The following SEC22A variants were observed in gnomAD, a reference collection of about 807,000 sequenced individuals.
The protein encoded by SEC22A is vesicle-trafficking protein SEC22a.
SEC22A carries 22 observed loss-of-function variants against 35.3 expected under a neutral mutation model. The ratio of observed to expected loss-of-function variants is 0.62; its 90% CI spans 0.45 to 0.89. The LOEUF is 0.89. Among genes scored for constraint, SEC22A ranks in the 40% least tolerant of loss-of-function variants. The pLI is 0.00. For synonymous variants in SEC22A, 119 were observed against 129.5 expected, an observed-to-expected ratio of 0.92 and a Z score of 0.55; for missense variants, 354 against 362.5, an observed-to-expected ratio of 0.98 and a Z score of 0.19.
At chr3:123,247,215 C>T (rs62262569) in intron 5 of SEC22A, among the ~76,000 whole-genome samples, 29,879 of 152,058 alleles carry the variant, frequency 0.2, 3,043 homozygotes, top group Middle Eastern at 0.27. Flanking sequence ...AAAAAGCTTA[C>T]AAATAAGATA....
Position 123,265,211 on chromosome 3 carries a change from C to G in SEC22A, c.723+5622C>G, listed in dbSNP as rs545874497. Among the ~76,000 whole-genome samples, 6 of 152,194 alleles carry G rather than the reference C, an allele frequency of 3.9e-5. No homozygotes were observed. The East Asian group carries it at 1.2e-3, about 29-fold the overall frequency. ...AGATTAAAGTATACAAGAGGATGTG[C>G]ATAAGTTAAATGCAAATATTGTGCC... is the stretch of plus-strand genomic sequence containing the variant. On this transcript the variant is annotated intron_variant, in intron 6 of 6. Transcript: ENST00000492595.
intron 1 of SEC22A, among the ~76,000 whole-genome samples, chr3:123,205,316 C>G (rs1274979578): frequency 6.6e-6 from 1 of 152,190 alleles, no homozygotes; most frequent in Non-Finnish European, 1.5e-5. Context: ...AGAAACCATT[C>G]TCTGACAACC....
chr3:123,255,678 A>G (rs1937714459), intron 5 of SEC22A, among the ~76,000 whole-genome samples: 1 of 152,196 alleles, frequency 6.6e-6, no homozygotes, highest in Non-Finnish European at 1.5e-5. Context: ...TGAAAATGAT[A>G]GCATACTCAA....
chr3:123,244,232 G>A (rs1388842566), intron 4 of SEC22A, among the ~76,000 whole-genome samples: 2 of 152,180 alleles, frequency 1.3e-5, no homozygotes, highest in African/African-American at 2.4e-5. Flanking sequence ...GGCAGATGGA[G>A]TATTCTCTTG....
At chr3:123,266,035 T>C (rs185033319) in intron 6 of SEC22A, among the ~76,000 whole-genome samples, 53 of 152,184 alleles carry the variant, frequency 3.5e-4, no homozygotes, top group African/African-American at 1.2e-3. Flanking sequence ...TAGTTTGTGT[T>C]TTTTGAGGAA....
chr3:123,222,155 G>T (rs1156668493), intron 2 of SEC22A, among the ~76,000 whole-genome samples: 2 of 151,544 alleles, frequency 1.3e-5, no homozygotes, highest in Non-Finnish European at 2.9e-5. Context: ...TTTTGGCACA[G>T]GATTTGGACT....
intron 1 of SEC22A, among the ~76,000 whole-genome samples, chr3:123,202,780 C>A (rs989115394): frequency 6.6e-6 from 1 of 152,156 alleles, no homozygotes; most frequent in Admixed American, 6.5e-5. Context: ...CAAAGCCTAG[C>A]CCAGAGCAAA....
chr3:123,239,767 A>G (rs2108069548), intron 4 of SEC22A, among the ~76,000 whole-genome samples: 1 of 151,884 alleles, frequency 6.6e-6, no homozygotes, highest in South Asian at 2.1e-4. Flanking sequence ...ATTTTCTCCC[A>G]TTTTGTAGGT....
rs1213719809 is a variant in SEC22A, at chr3:123,217,316, GCCT to G, written c.183-6239_183-6237del. ...GGGTTCAGGCCATTCTCCTGCCTCAGCCTCCTGAGTGGCTGGGACTACAGGTGC... is the reference window on the plus strand; with the variant it reads ...GGGTTCAGGCCATTCTCCTGCCTCAGCCTGAGTGGCTGGGACTACAGGTGC... On this transcript the variant is annotated intron_variant, in intron 2 of 6. Coordinates refer to ENST00000492595, the MANE Select transcript of SEC22A (RefSeq NM_012430.5). Among the ~76,000 whole-genome samples, 21 of 152,058 alleles carry G rather than the reference GCCT, an allele frequency of 1.4e-4. No homozygotes were observed. In the East Asian group the frequency reaches 3.9e-3, roughly 28 times the overall value.
intron 4 of SEC22A, among the ~76,000 whole-genome samples, chr3:123,227,157 T>G (rs182710563): frequency 6.6e-6 from 1 of 152,300 alleles, no homozygotes; most frequent in East Asian, 1.9e-4. Flanking sequence ...CTCATTATTT[T>G]ATAAGGTAGC....
intron 2 of SEC22A, among the ~76,000 whole-genome samples, chr3:123,217,666 A>G (rs998277910): frequency 6.6e-6 from 1 of 152,256 alleles, no homozygotes; most frequent in African/African-American, 2.4e-5. Flanking sequence ...CAATTATAGC[A>G]TGAAAATTAC....
chr3:123,227,414 C>T (rs1005107889), intron 4 of SEC22A, among the ~76,000 whole-genome samples: 4 of 151,134 alleles, frequency 2.6e-5, no homozygotes, highest in Admixed American at 2.6e-4. Context: ...AATGAGAACA[C>T]ATGGACACAG....
At chr3:123,243,105 G>GACAAA (rs1937539026) in intron 4 of SEC22A, among the ~76,000 whole-genome samples, 1 of 152,046 alleles carries the variant, frequency 6.6e-6, no homozygotes, top group Admixed American at 6.6e-5. Context: ...ATCGCTTTGA[G>GACAAA]CCAAACCAAA....
At chr3:123,244,340 C>T (rs1017486525) in intron 4 of SEC22A, among the ~76,000 whole-genome samples, 7 of 152,160 alleles carry the variant, frequency 4.6e-5, no homozygotes, top group Admixed American at 2.6e-4. Flanking sequence ...TTTGGCACAA[C>T]GCCAGCTGTC....
intron 5 of SEC22A, among the ~76,000 whole-genome samples, chr3:123,252,760 A>G (rs1408435833): frequency 6.6e-6 from 1 of 152,222 alleles, no homozygotes; most frequent in Non-Finnish European, 1.5e-5. Context: ...CAGATTATTA[A>G]CTGCCTCACA....
At chr3:123,262,044 T>A (rs915676939) in intron 6 of SEC22A, among the ~76,000 whole-genome samples, 2 of 152,220 alleles carry the variant, frequency 1.3e-5, no homozygotes, top group African/African-American at 4.8e-5. Context: ...CTAAATATGA[T>A]GAGCAGGGTG....
chr3:123,257,446 C>G (rs773404896), intron 5 of SEC22A, among the ~76,000 whole-genome samples: 2 of 152,192 alleles, frequency 1.3e-5, no homozygotes, highest in African/African-American at 2.4e-5. Context: ...CCTGTAATCC[C>G]AGCACTTTCG....
chr3:123,240,325 A>G (rs1176311863), intron 4 of SEC22A, among the ~76,000 whole-genome samples: 3 of 152,202 alleles, frequency 2.0e-5, no homozygotes, highest in Admixed American at 6.5e-5. Context: ...ACCATCCTCT[A>G]GACAACGACT....
intron 4 of SEC22A, among the ~76,000 whole-genome samples, chr3:123,228,365 G>T (rs1040264620): frequency 7.0e-6 from 1 of 141,892 alleles, no homozygotes; most frequent in Non-Finnish European, 1.5e-5. Context: ...GGGAGTTCAC[G>T]ACCAGCCTGA....
Sources: allele counts gnomAD v4.1 joint callset (sites outside exome capture counted in the v4.1 genomes callset), GRCh38; gene constraint gnomAD v4.1.1; transcripts MANE v1.5; gene names NCBI Gene and HGNC (gene_info 2026-07-23, HGNC 2026-07-21).